HEXB: variants seen among roughly 807,000 people sequenced by gnomAD.
HEXB encodes the protein beta-hexosaminidase subunit beta.
HEXB carries 51 observed loss-of-function variants against 71.2 expected under a neutral mutation model. That is an observed-to-expected ratio of 0.72 (90% CI 0.57 to 0.90). The LOEUF (loss-of-function observed/expected upper bound fraction) is 0.90. HEXB is among the 40% of genes least tolerant of loss of function. The pLI is 0.00. For missense variants in HEXB, 617 were observed against 677.0 expected (o/e 0.91, Z 0.98); for synonymous variants, 266 against 249.3 (o/e 1.07, Z -0.63).
rs1467307393 is a variant in HEXB at position 74,689,373 on chromosome 5, T to C, written c.345T>C (p.Pro115=). The change falls in exon 2 of 14, where the codon CCT becomes CCC. Residue 115 remains proline, a synonymous_variant. Coordinates refer to ENST00000261416, the MANE Select transcript of HEXB (RefSeq NM_000521.4). ...GTTTCTACAAGTGGCATCATGAACC[T>C]GCTGAATTCCAGGCTAAAACCCAGG... ...IFGFYKWHHE[P]AEFQAKTQVQ... 1.1e-5 allele frequency: 17 copies of C among 1,612,874 alleles called. No individual in the cohort carries two copies. The highest frequency in any genetic ancestry group is 1.4e-5 in the Non-Finnish European group (16 of 1,178,778).
At chr5:74,684,865 C>CG (rs1748817550), upstream of HEXB, among the ~76,000 whole-genome samples, 1 of 151,624 alleles carries the variant, frequency 6.6e-6, no homozygotes, top group Admixed American at 6.6e-5. Flanking sequence ...TTTGTAGAGT[C>CG]GGGGTTTCAC....
chr5:74,675,375 T>C (rs1158984913), intron 1 of HEXB, among the ~76,000 whole-genome samples: 1 of 152,188 alleles, frequency 6.6e-6, no homozygotes, highest in Non-Finnish European at 1.5e-5. Context: ...CGAAGTCTAG[T>C]CCAGAAGAGG....
At position 74,713,766 on chromosome 5, in the gene HEXB, C is replaced by T. The variant is rs1463507834; in HGVS notation, c.901+131C>T. 6 of 736,074 alleles carry T rather than the reference C, an allele frequency of 8.2e-6. No homozygotes were observed. The Admixed American group carries it at 1.2e-4, about 15-fold the overall frequency. 45.6% of individuals were successfully genotyped at this position (736,074 alleles called of 1,614,324 possible). The stretch of plus-strand genomic sequence containing the variant: ...GCAACCTCCACCTCCCAGGATCAAG[C>T]GATTCTCCTGCCTCAGCTTCCTGAG... On this transcript the variant is annotated intron_variant, in intron 7 of 13. Coordinates refer to ENST00000261416, the MANE Select transcript of HEXB (RefSeq NM_000521.4).
intron 9 of HEXB, among the ~76,000 whole-genome samples, chr5:74,717,320 TGTGCTACCCAATACA>T (rs997437394): frequency 3.3e-5 from 5 of 152,176 alleles, no homozygotes; most frequent in African/African-American, 9.7e-5. Flanking sequence ...ACTATATACC[TGTGCTACCCAATACA>T]GTAGCCATAG....
intron 1 of HEXB, chr5:74,640,648 C>G (rs1347473779): frequency 6.6e-6 from 1 of 152,348 alleles, no homozygotes; most frequent in Non-Finnish European, 1.5e-5. Flanking sequence ...CCTTGTGTGC[C>G]GGCGGCCGCC....
At chr5:74,692,370 C>T (rs1749022094) in intron 2 of HEXB, among the ~76,000 whole-genome samples, 2 of 151,698 alleles carry the variant, frequency 1.3e-5, no homozygotes, top group Middle Eastern at 3.2e-3. Context: ...AAAAATTAGC[C>T]AGGCGTGGTG....
At chr5:74,682,865 A>T (rs1160081634), upstream of HEXB, among the ~76,000 whole-genome samples, 2 of 152,200 alleles carry the variant, frequency 1.3e-5, no homozygotes, top group Non-Finnish European at 2.9e-5. Flanking sequence ...TGACACTCTT[A>T]TAACAAAAGA....
chr5:74,697,320 G>A (rs1270628395), intron 5 of HEXB, among the ~76,000 whole-genome samples: 8 of 152,146 alleles, frequency 5.3e-5, no homozygotes, highest in East Asian at 1.9e-4. Flanking sequence ...CGAGAGCCAC[G>A]TATAACATGT....
rs376633184 is a variant in HEXB, at chr5:74,712,694, C to T, written c.772-812C>T. Among the ~76,000 whole-genome samples, 160 of 152,108 alleles carry T rather than the reference C, an allele frequency of 1.1e-3. 1 individual carries two copies. The South Asian group carries it at 0.032, about 31-fold the overall frequency. On this transcript the variant is annotated intron_variant, in intron 6 of 13. Transcript: ENST00000261416. ...ACAGTCTGGGTTTTGCTGATTGCAC[C>T]CCACAGTGTCAATTAATATGTCCCT...
At chr5:74,658,571 A>C (rs1041022928) in intron 1 of HEXB, among the ~76,000 whole-genome samples, 10 of 151,732 alleles carry the variant, frequency 6.6e-5, no homozygotes, top group African/African-American at 2.4e-4. Context: ...TCAATCAGTC[A>C]TGCATATGTC....
intron 1 of HEXB, among the ~76,000 whole-genome samples, chr5:74,662,292 T>A (rs558522021): frequency 6.6e-6 from 1 of 152,362 alleles, no homozygotes; most frequent in East Asian, 1.9e-4. Flanking sequence ...ACTCTTACTG[T>A]CATTTTTCAT....
At chr5:74,714,416 C>T (rs1314222902) in intron 7 of HEXB, among the ~76,000 whole-genome samples, 1 of 152,200 alleles carries the variant, frequency 6.6e-6, no homozygotes, top group African/African-American at 2.4e-5. Context: ...TGAGGTAACA[C>T]TTAAAATGCT....
At chr5:74,699,540 G>A (rs1204152095) in intron 5 of HEXB, among the ~76,000 whole-genome samples, 1 of 152,142 alleles carries the variant, frequency 6.6e-6, no homozygotes, top group African/African-American at 2.4e-5. Context: ...CTCCCAAAAT[G>A]ATGGGATTAC....
At chr5:74,649,380 T>C (rs1185950829) in intron 1 of HEXB, among the ~76,000 whole-genome samples, 1 of 152,242 alleles carries the variant, frequency 6.6e-6, no homozygotes, top group African/African-American at 2.4e-5. Flanking sequence ...TTGGAGCTAG[T>C]AACAATGACT....
At chr5:74,688,698 T>A (rs1446286165) in intron 1 of HEXB, among the ~76,000 whole-genome samples, 1 of 152,192 alleles carries the variant, frequency 6.6e-6, no homozygotes, top group South Asian at 2.1e-4. Flanking sequence ...CTTTTGGGGC[T>A]TTATATGTAA....
At chr5:74,693,968 G>A (rs112155971) in intron 3 of HEXB, among the ~76,000 whole-genome samples, 41 of 152,286 alleles carry the variant, frequency 2.7e-4, no homozygotes, top group African/African-American at 9.4e-4. Context: ...AGACCAGCCT[G>A]GGCAACATGG....
intron 1 of HEXB, among the ~76,000 whole-genome samples, chr5:74,658,704 A>T (rs1475090335): frequency 2.0e-5 from 3 of 152,122 alleles, no homozygotes; most frequent in Non-Finnish European, 4.4e-5. Context: ...ATGACAGAAG[A>T]TTCACTTTTG....
Position 74,689,384 on chromosome 5 carries a change from A to G in HEXB, c.356A>G (p.Gln119Arg), listed in dbSNP as rs779171676. ...YKWHHEPAEF[Q>R]AKTQVQQLLV... The stretch of plus-strand genomic sequence containing the variant: ...TGGCATCATGAACCTGCTGAATTCC[A>G]GGCTAAAACCCAGGTTCAGCAACTT... The change falls in exon 2 of 14, where the codon CAG becomes CGG. Residue 119 changes from glutamine to arginine, a missense_variant. Gln to Arg is a conservative substitution (Grantham distance 43). Transcript: ENST00000261416. 4 of 1,612,096 alleles carry G rather than the reference A, an allele frequency of 2.5e-6. No homozygotes were observed. The East Asian group carries it at 8.9e-5, about 36-fold the overall frequency.
chr5:74,696,269 A>G (rs1749110963), intron 3 of HEXB, among the ~76,000 whole-genome samples: 2 of 152,324 alleles, frequency 1.3e-5, no homozygotes, highest in Middle Eastern at 3.4e-3. Flanking sequence ...GCCTTTATTT[A>G]TAGTTTCATG....
Sources: gnomAD v4.1 joint callset for allele counts (sites outside exome capture counted in the v4.1 genomes callset) on GRCh38, gnomAD v4.1.1 for gene constraint, MANE v1.5 for transcripts, NCBI Gene and HGNC (gene_info 2026-07-23, HGNC 2026-07-21) for gene names.